The following TMEM135 variants were observed in gnomAD, a reference collection of about 807,000 sequenced individuals.
TMEM135 encodes transmembrane protein 135.
A neutral mutation model predicts 60.3 loss-of-function variants in TMEM135; 30 were observed. The ratio of observed to expected loss-of-function variants is 0.50; its 90% CI spans 0.37 to 0.68. TMEM135 has a LOEUF of 0.68. Among genes scored for constraint, TMEM135 ranks in the 30% least tolerant of loss-of-function variants. The pLI is 0.00. For synonymous variants in TMEM135, 190 were observed against 186.7 expected, an observed-to-expected ratio of 1.02 and a Z score of -0.14; for missense variants, 468 against 548.8, an observed-to-expected ratio of 0.85 and a Z score of 1.47.
intron 6 of TMEM135, among the ~76,000 whole-genome samples, chr11:87,289,043 T>C (rs1254850656): frequency 6.6e-6 from 1 of 152,188 alleles, no homozygotes; most frequent in Non-Finnish European, 1.5e-5. Flanking sequence ...TATGTAAAAA[T>C]TGACACATTA....
At chr11:87,318,800 A>G (rs1162697723) in intron 13 of TMEM135, among the ~76,000 whole-genome samples, 1 of 152,028 alleles carries the variant, frequency 6.6e-6, no homozygotes, top group Non-Finnish European at 1.5e-5. Context: ...CTAATGAAGT[A>G]TCAATATCTC....
intron 5 of TMEM135, among the ~76,000 whole-genome samples, chr11:87,198,504 C>T (rs1247682386): frequency 5.3e-5 from 8 of 150,738 alleles, no homozygotes; most frequent in Non-Finnish European, 3.0e-5. Flanking sequence ...TTTTCCTTCC[C>T]TCTCCTCCCC....
intron 4 of TMEM135, among the ~76,000 whole-genome samples, chr11:87,154,999 A>T (rs4943973): frequency 0.26 from 18,183 of 68,882 alleles, 2,398 homozygotes; most frequent in African/African-American, 0.43. Context: ...TTATTTATTT[A>T]TTTATTTATT....
chr11:87,172,430 T>A (rs1939262760), intron 5 of TMEM135, among the ~76,000 whole-genome samples: 1 of 151,982 alleles, frequency 6.6e-6, no homozygotes, highest in East Asian at 1.9e-4. Context: ...AGGTTTTTTT[T>A]TTTTACCTAC....
intron 4 of TMEM135, among the ~76,000 whole-genome samples, chr11:87,105,148 C>T (rs531500533): frequency 6.6e-6 from 1 of 152,166 alleles, no homozygotes; most frequent in Non-Finnish European, 1.5e-5. Flanking sequence ...TTGTCTGCAT[C>T]TCTTGAGATG....
chr11:87,236,751 C>T (rs369805928), intron 6 of TMEM135, 67 bp downstream of exon 6: 323 of 1,456,228 alleles, frequency 2.2e-4, no homozygotes, highest in African/African-American at 1.9e-3. Context: ...TCATCAACCA[C>T]GAAACTAAAG....
chr11:87,258,125 ATATT>A (rs1178986108), intron 6 of TMEM135, among the ~76,000 whole-genome samples: 1 of 151,508 alleles, frequency 6.6e-6, no homozygotes, highest in East Asian at 1.9e-4. Context: ...ATTTGATTAT[ATATT>A]GATATTGATT....
chr11:87,235,354 T>G (rs1396887743), intron 5 of TMEM135, among the ~76,000 whole-genome samples: 3 of 151,782 alleles, frequency 2.0e-5, no homozygotes, highest in African/African-American at 7.3e-5. Context: ...AGATATAAAA[T>G]GTTACATAAA....
intron 5 of TMEM135, among the ~76,000 whole-genome samples, chr11:87,210,185 T>C (rs1338736924): frequency 2.0e-5 from 3 of 151,988 alleles, no homozygotes; most frequent in Non-Finnish European, 4.4e-5. Context: ...CTGAATGAAA[T>C]TGAGTTGTGA....
chr11:87,103,873 A>G (rs1403369291), intron 4 of TMEM135, among the ~76,000 whole-genome samples: 2 of 151,818 alleles, frequency 1.3e-5, no homozygotes, highest in Admixed American at 1.3e-4. Context: ...CAGGCTTCCA[A>G]TCTGTAGGTT....
At chr11:87,129,786 C>T (rs949363178) in intron 4 of TMEM135, among the ~76,000 whole-genome samples, 29 of 152,156 alleles carry the variant, frequency 1.9e-4, no homozygotes, top group South Asian at 6.2e-4. Flanking sequence ...GGTGATCTGC[C>T]CTCCTTAGCC....
chr11:87,203,187 T>C (rs1381599249), intron 5 of TMEM135, among the ~76,000 whole-genome samples: 9 of 152,134 alleles, frequency 5.9e-5, no homozygotes, highest in Admixed American at 5.2e-4. Flanking sequence ...TTACAATTGA[T>C]AAACCTATAT....
chr11:87,183,624 A>G (rs547178840), intron 5 of TMEM135, among the ~76,000 whole-genome samples: 2 of 152,214 alleles, frequency 1.3e-5, no homozygotes, highest in South Asian at 2.1e-4. Flanking sequence ...CATTGACACT[A>G]AAACTTGTGA....
At chr11:87,230,656 T>G (rs1940870987) in intron 5 of TMEM135, among the ~76,000 whole-genome samples, 1 of 152,032 alleles carries the variant, frequency 6.6e-6, no homozygotes, top group African/African-American at 2.4e-5. Flanking sequence ...AAAGTTAAAA[T>G]ATGTAAAGTG....
chr11:87,194,348 G>A (rs1939883617), intron 5 of TMEM135, among the ~76,000 whole-genome samples: 1 of 152,174 alleles, frequency 6.6e-6, no homozygotes, highest in Admixed American at 6.5e-5. Context: ...AAAGTTTGCA[G>A]TATTTTAGTC....
chr11:87,171,596 A>G (rs1016185758), intron 5 of TMEM135, among the ~76,000 whole-genome samples: 4 of 152,180 alleles, frequency 2.6e-5, no homozygotes, highest in African/African-American at 9.7e-5. Context: ...GAGACCTTGG[A>G]CAGTTTACTG....
At chr11:87,112,800 A>T (rs188281321) in intron 4 of TMEM135, among the ~76,000 whole-genome samples, 8 of 152,180 alleles carry the variant, frequency 5.3e-5, no homozygotes, top group Middle Eastern at 6.8e-3. Flanking sequence ...GCTGAATGGC[A>T]TATGATAAGG....
intron 6 of TMEM135, among the ~76,000 whole-genome samples, chr11:87,237,794 A>T (rs1591127141): frequency 1.3e-5 from 2 of 151,438 alleles, no homozygotes; most frequent in African/African-American, 4.8e-5. Flanking sequence ...CCCGTTAATC[A>T]CCCCCACCTC....
intron 1 of TMEM135, among the ~76,000 whole-genome samples, chr11:87,053,310 G>T (rs1278540113): frequency 6.7e-6 from 1 of 149,748 alleles, no homozygotes; most frequent in East Asian, 2.0e-4. Flanking sequence ...TATATATATG[G>T]ATACTTTTTT....
Sources: gnomAD v4.1 joint callset for allele counts (sites outside exome capture counted in the v4.1 genomes callset) on GRCh38, gnomAD v4.1.1 for gene constraint, MANE v1.5 for transcripts, NCBI Gene and HGNC (gene_info 2026-07-23, HGNC 2026-07-21) for gene names.